Variants in RBFOX1 observed in about 807,000 individuals in gnomAD.
RBFOX1 encodes RNA binding protein fox-1 homolog 1.
Under a neutral mutation model 57.7 loss-of-function variants are expected in RBFOX1, and 8 were observed. The observed-to-expected ratio is 0.14, with a 90% CI of 0.08 to 0.25. The LOEUF (loss-of-function observed/expected upper bound fraction) is 0.25. RBFOX1 is among the 10% of genes least tolerant of loss of function. The pLI, the probability that RBFOX1 is intolerant of heterozygous loss-of-function variation, is 1.00. For missense variants in RBFOX1, 611 were observed against 548.5 expected (o/e 1.11, Z -1.14); for synonymous variants, 326 against 222.4 (o/e 1.47, Z -4.15).
Position 6,875,306 on chromosome 16 carries a change from C to T in RBFOX1, c.-15-176751C>T, listed in dbSNP as rs150072438. On this transcript the variant is annotated intron_variant, in intron 3 of 15. Transcript: ENST00000550418. ...AATACAACTCGTTATGGTGGGGGTG[C>T]GTTTTTTAGAGAAACATTTATATTT... 1.3e-3 allele frequency among the ~76,000 whole-genome samples: 202 copies of T among 152,224 alleles called. 2 individuals carry two copies. Among genetic ancestry groups the T allele is most frequent in the Admixed American group, 3.1e-3 (47 of 15,294 alleles).
At chr16:6,377,652 C>G (rs2091344156) in intron 2 of RBFOX1, among the ~76,000 whole-genome samples, 1 of 152,204 alleles carries the variant, frequency 6.6e-6, no homozygotes, top group African/African-American at 2.4e-5. Flanking sequence ...TCTTAAAAGA[C>G]TCCTCAAGAT....
At chr16:7,188,788 G>C (rs935597018) in intron 4 of RBFOX1, among the ~76,000 whole-genome samples, 13 of 152,186 alleles carry the variant, frequency 8.5e-5, no homozygotes, top group African/African-American at 2.9e-4. Context: ...AGCTGGTATA[G>C]GGCATGCTAC....
At chr16:6,195,439 C>T (rs574515688) in intron 1 of RBFOX1, among the ~76,000 whole-genome samples, 10 of 152,076 alleles carry the variant, frequency 6.6e-5, no homozygotes, top group South Asian at 2.1e-4. Context: ...TAGAATGGGC[C>T]GGGCGCAGTG....
At chr16:5,575,351 C>T (rs1291849681) in intron 2 of RBFOX1, among the ~76,000 whole-genome samples, 5 of 152,186 alleles carry the variant, frequency 3.3e-5, no homozygotes, top group Admixed American at 2.0e-4. Context: ...ACTGCCATCA[C>T]GGCTCAGCCA....
intron 2 of RBFOX1, among the ~76,000 whole-genome samples, chr16:5,543,595 G>C (rs577377251): frequency 6.6e-6 from 1 of 151,928 alleles, no homozygotes; most frequent in Admixed American, 6.5e-5. Context: ...AAAGGAATGA[G>C]AGAGATGGAG....
At chr16:7,011,562 G>A (rs1387441721) in intron 3 of RBFOX1, among the ~76,000 whole-genome samples, 1 of 152,178 alleles carries the variant, frequency 6.6e-6, no homozygotes, top group Non-Finnish European at 1.5e-5. Context: ...CGCACAGGCT[G>A]GAGTGCAGTG....
At chr16:7,152,220 T>G (rs1426195173) in intron 4 of RBFOX1, among the ~76,000 whole-genome samples, 1 of 152,210 alleles carries the variant, frequency 6.6e-6, no homozygotes, top group East Asian at 1.9e-4. Context: ...GTCTATACCA[T>G]GCGTCCATAG....
At chr16:7,570,529 G>C (rs1265779062) in intron 5 of RBFOX1, among the ~76,000 whole-genome samples, 1 of 152,178 alleles carries the variant, frequency 6.6e-6, no homozygotes, top group East Asian at 1.9e-4. Context: ...CCCTGAGATA[G>C]AAGTCATTTA....
chr16:7,525,695 A>G (rs2078547950), intron 5 of RBFOX1, among the ~76,000 whole-genome samples: 1 of 152,196 alleles, frequency 6.6e-6, no homozygotes, highest in African/African-American at 2.4e-5. Context: ...CTGGAGAAGA[A>G]AAATTGAGGT....
intron 3 of RBFOX1, among the ~76,000 whole-genome samples, chr16:6,707,946 A>C (rs529419370): frequency 6.6e-6 from 1 of 152,280 alleles, no homozygotes; most frequent in South Asian, 2.1e-4. Context: ...GAAATAGTGC[A>C]GAGGTAGAAG....
chr16:7,078,952 C>T (rs1360725947), intron 4 of RBFOX1, among the ~76,000 whole-genome samples: 1 of 143,346 alleles, frequency 7.0e-6, no homozygotes, highest in South Asian at 2.3e-4. Context: ...TCGTGATCCA[C>T]CCACCTTGGC....
At chr16:7,142,313 C>G (rs1036889220) in intron 4 of RBFOX1, among the ~76,000 whole-genome samples, 1 of 152,136 alleles carries the variant, frequency 6.6e-6, no homozygotes. Context: ...CATGAGCCAC[C>G]ACACCTAGCC....
intron 3 of RBFOX1, among the ~76,000 whole-genome samples, chr16:5,664,672 G>C (rs1424689141): frequency 6.6e-6 from 1 of 152,170 alleles, no homozygotes. Context: ...ATTTGTCCTA[G>C]TAAATGTGCT....
chr16:7,508,883 C>A (rs139255724), intron 4 of RBFOX1, among the ~76,000 whole-genome samples: 1 of 152,194 alleles, frequency 6.6e-6, no homozygotes, highest in African/African-American at 2.4e-5. Context: ...TAGCAAGGAG[C>A]CTTGGTGATA....
At chr16:6,184,218 G>A (rs751627481) in intron 1 of RBFOX1, among the ~76,000 whole-genome samples, 3 of 152,092 alleles carry the variant, frequency 2.0e-5, no homozygotes, top group African/African-American at 7.2e-5. Context: ...GGGAATTATG[G>A]GAACTACAGT....
At chr16:5,630,431 T>C (rs2048470806) in intron 3 of RBFOX1, among the ~76,000 whole-genome samples, 1 of 151,840 alleles carries the variant, frequency 6.6e-6, no homozygotes, top group South Asian at 2.1e-4. Flanking sequence ...CACTCCAGCC[T>C]GGGTGACAGA....
intron 13 of RBFOX1, among the ~76,000 whole-genome samples, chr16:7,675,793 G>T (rs1568405442): frequency 6.6e-6 from 1 of 152,166 alleles, no homozygotes; most frequent in African/African-American, 2.4e-5. Context: ...TTACCTCAGA[G>T]GATTATGGGA....
Position 6,380,940 on chromosome 16 carries a change from A to G in RBFOX1, c.-64+63883A>G, listed in dbSNP as rs186673303. Among the ~76,000 whole-genome samples the G allele has an allele frequency of 2.6e-5, 4 of 152,254 alleles. No individual in the cohort carries two copies. In the East Asian group the frequency reaches 5.8e-4, roughly 22 times the overall value. The stretch of plus-strand genomic sequence containing the variant: ...CAAAGGTCCTCATATTTTTCTGTGC[A>G]TTCTGGTGATTGCTTGTCTTGGCGA... On this transcript the variant is annotated intron_variant, in intron 2 of 15. Transcript: ENST00000550418.
chr16:5,654,629 G>C (rs866523188), intron 3 of RBFOX1, among the ~76,000 whole-genome samples: 13 of 152,132 alleles, frequency 8.5e-5, no homozygotes, highest in Non-Finnish European at 5.9e-5. Context: ...GCCTCCCAAA[G>C]CCTCAAGCCC....
Sources: allele counts gnomAD v4.1 joint callset (sites outside exome capture counted in the v4.1 genomes callset), GRCh38; gene constraint gnomAD v4.1.1; transcripts MANE v1.5; gene names NCBI Gene and HGNC (gene_info 2026-07-23, HGNC 2026-07-21).